GPC5: variants seen among roughly 807,000 people sequenced by gnomAD.
GPC5 encodes glypican 5, also known as glypican-5.
Under a neutral mutation model 53.9 loss-of-function variants are expected in GPC5, and 47 were observed. That is an observed-to-expected ratio of 0.87 (90% confidence interval 0.69 to 1.11). The LOEUF (loss-of-function observed/expected upper bound fraction) is 1.11. Ranked by LOEUF, GPC5 falls within the 50% of genes most tolerant of loss-of-function variation. The pLI is 0.00. For missense variants in GPC5, 748 were observed against 713.1 expected (o/e 1.05, Z -0.56); for synonymous variants, 286 against 263.3 (o/e 1.09, Z -0.84).
chr13:91,973,236 C>A (rs1002664102), intron 6 of GPC5, among the ~76,000 whole-genome samples: 2 of 152,184 alleles, frequency 1.3e-5, no homozygotes, highest in Non-Finnish European at 2.9e-5. Context: ...ATCACTGATA[C>A]CCTTTCTTCC....
intron 7 of GPC5, among the ~76,000 whole-genome samples, chr13:92,432,765 A>G (rs1877149705): frequency 6.6e-6 from 1 of 152,044 alleles, no homozygotes; most frequent in African/African-American, 2.4e-5. Context: ...AGTATGAGGA[A>G]ACATCAAGAG....
intron 6 of GPC5, among the ~76,000 whole-genome samples, chr13:92,030,581 A>C (rs972566539): frequency 4.6e-5 from 7 of 150,572 alleles, no homozygotes; most frequent in Non-Finnish European, 8.9e-5. Flanking sequence ...ATATATCACA[A>C]CTCTCTAAGG....
chr13:92,841,134 T>C (rs1761531800), intron 7 of GPC5, among the ~76,000 whole-genome samples: 1 of 152,138 alleles, frequency 6.6e-6, no homozygotes, highest in South Asian at 2.1e-4. Context: ...TCAAATTGTT[T>C]TCATATAATC....
intron 5 of GPC5, among the ~76,000 whole-genome samples, chr13:91,888,638 A>G (rs1219457845): frequency 1.3e-5 from 2 of 152,196 alleles, no homozygotes; most frequent in Admixed American, 6.5e-5. Flanking sequence ...GGCGGTGGCA[A>G]GAATGAGTGC....
intron 7 of GPC5, among the ~76,000 whole-genome samples, chr13:92,823,318 A>G (rs1476319282): frequency 2.6e-5 from 4 of 152,182 alleles, no homozygotes; most frequent in Non-Finnish European, 5.9e-5. Context: ...CTTTCAGATG[A>G]CATAATGTAT....
chr13:92,486,365 A>C (rs975838834), intron 7 of GPC5, among the ~76,000 whole-genome samples: 1 of 152,242 alleles, frequency 6.6e-6, no homozygotes, highest in Non-Finnish European at 1.5e-5. Context: ...CATTGTCATT[A>C]TAATTATATG....
chr13:91,557,323 A>T (rs904767104), intron 2 of GPC5, among the ~76,000 whole-genome samples: 6 of 152,012 alleles, frequency 3.9e-5, no homozygotes, highest in African/African-American at 1.4e-4. Context: ...ACATCTTTTC[A>T]TGTGCTTATT....
intron 5 of GPC5, among the ~76,000 whole-genome samples, chr13:91,887,639 C>T (rs2039339670): frequency 6.6e-6 from 1 of 152,162 alleles, no homozygotes; most frequent in African/African-American, 2.4e-5. Context: ...AATCATCTCT[C>T]TCAAGTTCAA....
intron 3 of GPC5, among the ~76,000 whole-genome samples, chr13:91,724,853 T>C (rs533595985): frequency 6.6e-6 from 1 of 151,958 alleles, no homozygotes; most frequent in African/African-American, 2.4e-5. Flanking sequence ...TGAGATCCTG[T>C]CTGGAAAAAA....
chr13:92,459,461 A>G (rs1049329689), intron 7 of GPC5, among the ~76,000 whole-genome samples: 2 of 152,176 alleles, frequency 1.3e-5, no homozygotes, highest in African/African-American at 4.8e-5. Flanking sequence ...AAATCCAATA[A>G]GTGACAGGGT....
chr13:92,017,045 T>C (rs571938534), intron 6 of GPC5, among the ~76,000 whole-genome samples: 1 of 152,192 alleles, frequency 6.6e-6, no homozygotes, highest in Admixed American at 6.5e-5. Flanking sequence ...CTGGGTGGTG[T>C]TGGGAATCTC....
intron 7 of GPC5, among the ~76,000 whole-genome samples, chr13:92,225,674 A>G (rs185063548): frequency 8.1e-4 from 123 of 152,334 alleles, no homozygotes; most frequent in African/African-American, 2.9e-3. Context: ...TATTTTTCAA[A>G]TATATATGCA....
At chr13:92,494,414 G>A (rs1212610985) in intron 7 of GPC5, among the ~76,000 whole-genome samples, 2 of 152,148 alleles carry the variant, frequency 1.3e-5, no homozygotes, top group African/African-American at 4.8e-5. Context: ...ATCTACTGAA[G>A]AACTTTGAAG....
At chr13:92,648,055 T>TC (rs34992789) in intron 7 of GPC5, among the ~76,000 whole-genome samples, 86,044 of 151,778 alleles carry the variant, frequency 0.57, 27,952 homozygotes, top group Non-Finnish European at 0.75. Context: ...TAATTTTATA[T>TC]CTAAAATGCT....
At chr13:92,172,757 T>A (rs17188425) in intron 7 of GPC5, among the ~76,000 whole-genome samples, 4,642 of 152,214 alleles carry the variant, frequency 0.03, 99 homozygotes, top group Middle Eastern at 0.071. Flanking sequence ...GTTTACTCAC[T>A]GCTACTTTAT....
At chr13:92,473,596 T>C (rs551818061) in intron 7 of GPC5, among the ~76,000 whole-genome samples, 48 of 152,302 alleles carry the variant, frequency 3.2e-4, no homozygotes, top group Non-Finnish European at 5.4e-4. Context: ...TGTATCATAT[T>C]ATACTTTCAA....
At chr13:92,408,458 GA>G (rs1566577867) in intron 7 of GPC5, among the ~76,000 whole-genome samples, 4 of 152,034 alleles carry the variant, frequency 2.6e-5, no homozygotes, top group African/African-American at 9.7e-5. Flanking sequence ...TCCTTTCCAT[GA>G]GAAGTTTATT....
intron 7 of GPC5, among the ~76,000 whole-genome samples, chr13:92,857,438 C>T (rs1449480189): frequency 6.6e-6 from 1 of 152,104 alleles, no homozygotes; most frequent in Non-Finnish European, 1.5e-5. Flanking sequence ...TCCTTAAAAG[C>T]AATTGCAGCA....
At chr13:91,568,822 C>T (rs2031655412) in intron 2 of GPC5, among the ~76,000 whole-genome samples, 1 of 150,276 alleles carries the variant, frequency 6.7e-6, no homozygotes, top group African/African-American at 2.4e-5. Context: ...AATCTGAGCT[C>T]ACTGCAACCT....
Sources: allele counts gnomAD v4.1 joint callset (sites outside exome capture counted in the v4.1 genomes callset), GRCh38; gene constraint gnomAD v4.1.1; transcripts MANE v1.5; gene names NCBI Gene and HGNC (gene_info 2026-07-23, HGNC 2026-07-21).